The following GRAMD1A variants were observed in gnomAD, a reference collection of about 807,000 sequenced individuals.
The protein encoded by GRAMD1A is GRAM domain containing 1A, also known as protein Aster-A.
GRAMD1A carries 50 observed loss-of-function variants against 92.0 expected under a neutral mutation model. That is an observed-to-expected ratio of 0.54 (90% CI 0.43 to 0.69). The LOEUF (loss-of-function observed/expected upper bound fraction) is 0.69, where lower values mean the gene tolerates loss of function less well. Among genes scored for constraint, GRAMD1A ranks in the 30% least tolerant of loss-of-function variants. GRAMD1A has a pLI of 0.00. For missense variants in GRAMD1A, 819 were observed against 978.9 expected, an observed-to-expected ratio of 0.84 and a Z score of 2.18; for synonymous variants, 405 against 403.6, an observed-to-expected ratio of 1.00 and a Z score of -0.04.
chr19:35,019,299 T>C lies in GRAMD1A; in HGVS notation c.1322T>C (p.Val441Ala). ...NPLGPKSASV[V>A]ETQTLFRRGP... is the part of the protein sequence containing the mutation. ...CTGGGCCCCAAGAGCGCCTCCGTGG[T>C]GGAGACACAGGTGGGCCAGGTGGGG... Residue 441 changes from valine to alanine, a missense_variant, in exon 12 of 20, where the codon GTG becomes GCG. Coordinates refer to ENST00000317991, the MANE Select transcript of GRAMD1A (RefSeq NM_020895.5). 3 of 1,612,778 alleles carry C rather than the reference T, an allele frequency of 1.9e-6. No homozygotes were observed. The Admixed American group carries it at 5.0e-5, about 27-fold the overall frequency.
rs1568313415 is a variant in GRAMD1A at position 35,000,572 on chromosome 19, G to T, written c.8+86G>T. 3 of 1,091,220 alleles carry T rather than the reference G, an allele frequency of 2.7e-6. No homozygotes were observed. 67.6% of individuals were successfully genotyped at this position (1,091,220 alleles called of 1,614,324 possible). A position where few individuals can be genotyped will look rare whatever the true frequency, so the allele number is the denominator to read the frequency against. ...GGGGCGCCGCGGGCTTGGGGAGGGG[G>T]CGGAGCGGCCGCTGCAGAGGTCGGG... On this transcript the variant is annotated intron_variant, in intron 1 of 19. Coordinates refer to ENST00000317991, the MANE Select transcript of GRAMD1A (RefSeq NM_020895.5). The surrounding 1 kb of genome is among the most constrained non-coding windows in gnomAD (Gnocchi z 4.9).
intron 6 of GRAMD1A, chr19:35,010,780 G>C (rs753282683): frequency 2.1e-5 from 10 of 471,990 alleles, no homozygotes; most frequent in Admixed American, 7.8e-5. Flanking sequence ...CTTCCCAGCA[G>C]ACTTCTCTTT....
intron 1 of GRAMD1A, among the ~76,000 whole-genome samples, chr19:35,004,627 G>A (rs117814806): frequency 0.014 from 2,206 of 152,164 alleles, 25 homozygotes; most frequent in Non-Finnish European, 0.02. Flanking sequence ...TGTGGCGGGT[G>A]CAGGGTATTT....
rs766546908 is a variant in GRAMD1A at position 35,021,547 on chromosome 19, G to A, written c.1521G>A (p.Val507=). 1 of 1,614,068 alleles carries A rather than the reference G, an allele frequency of 6.2e-7. No homozygotes were observed. The highest frequency in any genetic ancestry group is 1.3e-5 in the African/African-American group (1 of 74,948). ...ACCGAAAGCAGCCGTGGAGCCTGGT[G>A]AAGTCGCTCATTGAGAAGAACTCGT... is the stretch of plus-strand genomic sequence containing the variant. ...IRYRKQPWSL[V]KSLIEKNSWS... Residue 507 remains valine, a synonymous_variant, in exon 14 of 20, where the codon GTG becomes GTA. Transcript: ENST00000317991. This position sits in a 1 kb window ranked among gnomAD's most constrained non-coding sequence, Gnocchi z 5.3.
At chr19:35,010,509 G>C (rs535822677) in intron 6 of GRAMD1A, 130 bp downstream of exon 6, 1 of 675,058 alleles carries the variant, frequency 1.5e-6, no homozygotes, top group African/African-American at 1.8e-5. Context: ...CTGTTCTCCC[G>C]GCCCAGGCGC....
At chr19:35,002,707 C>T (rs1241984972) in intron 1 of GRAMD1A, 1 of 152,418 alleles carries the variant, frequency 6.6e-6, no homozygotes, top group African/African-American at 2.4e-5. Context: ...AGCCCCTTGC[C>T]ACTTTAGAAG....
chr19:35,019,317 AGGTGGGGCAGCCGAGTG>A lies in GRAMD1A; in HGVS notation c.1332+20_1332+36del. 6.2e-7 allele frequency: 1 copy of A among 1,611,918 alleles called. No individual in the cohort carries two copies. Among genetic ancestry groups the A allele is most frequent in the Non-Finnish European group, 8.5e-7 (1 of 1,178,670 alleles). ...TCCGTGGTGGAGACACAGGTGGGCC[AGGTGGGGCAGCCGAGTG>A]GGTGGGGCAGCTGGGTGAGTGGGGT... is the stretch of plus-strand genomic sequence containing the variant. On this transcript the variant is annotated intron_variant, in intron 12 of 19. Transcript: ENST00000317991.
chr19:35,021,562 G>GA lies in GRAMD1A; in HGVS notation c.1538dup (p.Asn514GlufsTer7), dbSNP rs2016053836. On this transcript the variant is annotated frameshift_variant, in exon 14 of 20. Transcript: ENST00000317991. LOFTEE classifies it high-confidence loss of function. The surrounding 1 kb of genome is among the most constrained non-coding windows in gnomAD (Gnocchi z 5.3). Reference sequence around the variant, plus strand: ...GGAGCCTGGTGAAGTCGCTCATTGAGAAGAACTCGTGGAGCGGCATTGAAG... The same window carrying GA: ...GGAGCCTGGTGAAGTCGCTCATTGAGAAAGAACTCGTGGAGCGGCATTGAAG... 6.2e-7 allele frequency: 1 copy of GA among 1,614,088 alleles called. No individual in the cohort carries two copies. The highest frequency in any genetic ancestry group is 1.3e-5 in the African/African-American group (1 of 74,942).
intron 11 of GRAMD1A, among the ~76,000 whole-genome samples, chr19:35,017,341 C>T (rs992448789): frequency 6.6e-6 from 1 of 152,150 alleles, no homozygotes; most frequent in African/African-American, 2.4e-5. Flanking sequence ...AGCTCCTCAG[C>T]CTGACACGCC....
intron 1 of GRAMD1A, among the ~76,000 whole-genome samples, chr19:35,007,523 ACTGCAGC>A (rs1301560124): frequency 3.3e-5 from 5 of 152,004 alleles, no homozygotes; most frequent in African/African-American, 1.2e-4. Flanking sequence ...ATGCCATTGC[ACTGCAGC>A]CTGGGCGACA....
At position 35,003,689 on chromosome 19, in the gene GRAMD1A, T is replaced by C. The variant is rs181000119; in HGVS notation, c.8+3203T>C. ...GATGTGGTCCTGCTGCTTAGGAGTC[T>C]CTCCCTGCTCACCAGTGCTGTCTGG... On this transcript the variant is annotated intron_variant, in intron 1 of 19. Transcript: ENST00000317991. Among the ~76,000 whole-genome samples the C allele has an allele frequency of 1.9e-3, 284 of 152,188 alleles. 5 individuals carry two copies. The highest frequency in any genetic ancestry group is 6.4e-3 in the African/African-American group (266 of 41,484).
rs1288625726 is a variant in GRAMD1A, at chr19:35,019,465, C to T, written c.1407C>T (p.Tyr469=). The T allele has an allele frequency of 7.4e-6, 12 of 1,613,818 alleles. No homozygotes were observed. Among genetic ancestry groups the T allele is most frequent in the Admixed American group, 3.3e-5 (2 of 60,010 alleles). The stretch of plus-strand genomic sequence containing the variant: ...AGGTGCTGACGCAGGGCATCCCCTA[C>T]CAGGACTACTTCTACACTGCCCACC... ...DSEVLTQGIP[Y]QDYFYTAHRY... The change falls in exon 13 of 20, where the codon TAC becomes TAT. Residue 469 remains tyrosine (Y), a synonymous_variant. Transcript: ENST00000317991.
At chr19:35,019,148 G>A (rs2015849306) in intron 11 of GRAMD1A, 43 bp from the exon 12 acceptor site, 2 of 1,343,630 alleles carry the variant, frequency 1.5e-6, no homozygotes, top group Non-Finnish European at 2.1e-6. Context: ...TGTGGGCAAA[G>A]GACTGGGGTG....
intron 1 of GRAMD1A, among the ~76,000 whole-genome samples, chr19:35,008,192 G>A (rs568179981): frequency 6.6e-6 from 1 of 152,154 alleles, no homozygotes; most frequent in South Asian, 2.1e-4. Context: ...AGCCAGGCAT[G>A]GTAGTGTGAT....
At chr19:34,997,514 G>T (rs1488191607), upstream of GRAMD1A, among the ~76,000 whole-genome samples, 3 of 152,152 alleles carry the variant, frequency 2.0e-5, no homozygotes, top group Non-Finnish European at 4.4e-5. Context: ...GCCATAGGGG[G>T]AAGAGGAAAG....
At chr19:35,019,156 G>T (rs377418421) in intron 11 of GRAMD1A, 35 bp from the exon 12 acceptor site, 21 of 1,401,288 alleles carry the variant, frequency 1.5e-5, no homozygotes, top group Non-Finnish European at 2.1e-5. Context: ...AAGGACTGGG[G>T]TGTGGCCTCC....
At chr19:35,000,278 G>A (rs1400562907), upstream of GRAMD1A, 1 of 1,030,588 alleles carries the variant, frequency 9.7e-7, no homozygotes, top group African/African-American at 1.7e-5. This position sits in a 1 kb window ranked among gnomAD's most constrained non-coding sequence, Gnocchi z 4.9. Context: ...GCGGGGGAAG[G>A]AAGGGGGTGT....
intron 1 of GRAMD1A, chr19:35,001,183 C>G (rs2014340412): frequency 6.6e-6 from 1 of 152,076 alleles, no homozygotes; most frequent in African/African-American, 2.4e-5. Context: ...AGCTTTGGGC[C>G]TCTGATAGAG....
At chr19:35,003,669 G>T (rs1310739930) in intron 1 of GRAMD1A, among the ~76,000 whole-genome samples, 2 of 152,202 alleles carry the variant, frequency 1.3e-5, no homozygotes, top group African/African-American at 4.8e-5. Context: ...GGGAGGATGT[G>T]GTCCTGCTGC....
Sources: gnomAD v4.1 joint callset for allele counts (sites outside exome capture counted in the v4.1 genomes callset) on GRCh38, gnomAD v4.1.1 for gene constraint, Gnocchi (gnomAD v3.1) non-coding constraint, MANE v1.5 for transcripts, NCBI Gene and HGNC (gene_info 2026-07-23, HGNC 2026-07-21) for gene names.